DEPDC5: variants seen among roughly 807,000 people sequenced by gnomAD.
DEPDC5 encodes DEP domain containing 5, GATOR1 subcomplex subunit.
Under a neutral mutation model 217.3 loss-of-function variants are expected in DEPDC5, and 73 were observed. The observed-to-expected ratio is 0.34, with a 90% confidence interval of 0.28 to 0.41. The LOEUF is 0.41. Among genes scored for constraint, DEPDC5 ranks in the 10% least tolerant of loss-of-function variants. The pLI is 1.00. For synonymous variants in DEPDC5, 733 were observed against 756.7 expected, an observed-to-expected ratio of 0.97 and a Z score of 0.51; for missense variants, 1,675 against 2,070.1, an observed-to-expected ratio of 0.81 and a Z score of 3.70.
chr22:31,802,629 G>A (rs1459641214), intron 14 of DEPDC5, 75 bp from the exon 15 acceptor site: 5 of 1,431,608 alleles, frequency 3.5e-6, no homozygotes, highest in Middle Eastern at 1.9e-4. Context: ...CTCTGAGAGT[G>A]TAGAGATGCT....
rs183598261 is a variant in DEPDC5, at chr22:31,881,461, C to G, written c.4033+1709C>G. Among the ~76,000 whole-genome samples, 739 of 152,146 alleles carry G rather than the reference C, an allele frequency of 4.9e-3. 8 individuals carry two copies. The highest frequency in any genetic ancestry group is 0.017 in the African/African-American group (699 of 41,484). ...TTAGGCAGTCATGACTTGCTCTTCT[C>G]CCTTCATTGCATTTCTAACTGTCTA... On this transcript the variant is annotated intron_variant, in intron 38 of 42. Transcript: ENST00000651528.
chr22:31,860,702 T>A (rs1311088874), intron 32 of DEPDC5, among the ~76,000 whole-genome samples: 1 of 152,168 alleles, frequency 6.6e-6, no homozygotes, highest in Non-Finnish European at 1.5e-5. Flanking sequence ...GATGATTTTG[T>A]TACACAACCA....
At chr22:31,833,864 T>G (rs750134068) in intron 24 of DEPDC5, 51 bp from the exon 25 acceptor site, 69 of 1,446,862 alleles carry the variant, frequency 4.8e-5, no homozygotes, top group Non-Finnish European at 6.4e-5. Context: ...TGGTCAGAAC[T>G]CTTTTGCAGA....
intron 30 of DEPDC5, among the ~76,000 whole-genome samples, chr22:31,846,066 C>G (rs984401334): frequency 6.6e-6 from 1 of 151,958 alleles, no homozygotes; most frequent in African/African-American, 2.4e-5. Flanking sequence ...TTTCAAATTC[C>G]TGGACTAAAG....
intron 5 of DEPDC5, 28 bp downstream of exon 5, chr22:31,765,088 C>T: frequency 6.4e-7 from 1 of 1,567,458 alleles, no homozygotes; most frequent in Non-Finnish European, 8.8e-7. Flanking sequence ...ACTTGAATAT[C>T]TTTTTGGAAT....
At chr22:31,788,809 C>A (rs1344533764) in intron 10 of DEPDC5, among the ~76,000 whole-genome samples, 1 of 147,926 alleles carries the variant, frequency 6.8e-6, no homozygotes, top group Non-Finnish European at 1.5e-5. Context: ...CTTCTGACCT[C>A]AGGTGATCCG....
intron 38 of DEPDC5, among the ~76,000 whole-genome samples, chr22:31,889,108 G>T (rs1002252664): frequency 2.0e-5 from 3 of 152,134 alleles, no homozygotes; most frequent in African/African-American, 7.2e-5. Flanking sequence ...CCCTTCCCCA[G>T]GTTACTGATA....
At chr22:31,818,162 T>C (rs1235202079) in intron 21 of DEPDC5, among the ~76,000 whole-genome samples, 1 of 152,178 alleles carries the variant, frequency 6.6e-6, no homozygotes, top group African/African-American at 2.4e-5. Context: ...TGTCTCTGTC[T>C]CCATAATGGG....
At chr22:31,888,946 G>C (rs2093377104) in intron 38 of DEPDC5, among the ~76,000 whole-genome samples, 1 of 152,182 alleles carries the variant, frequency 6.6e-6, no homozygotes, top group African/African-American at 2.4e-5. Context: ...CAGCACTCCT[G>C]ATAAGTGGGG....
intron 8 of DEPDC5, among the ~76,000 whole-genome samples, chr22:31,779,243 T>A (rs2084180853): frequency 6.6e-6 from 1 of 152,204 alleles, no homozygotes; most frequent in African/African-American, 2.4e-5. Context: ...TTTTTGTAAT[T>A]TCCTATTGTT....
intron 38 of DEPDC5, among the ~76,000 whole-genome samples, chr22:31,892,989 C>T (rs1161316761): frequency 6.6e-6 from 1 of 151,634 alleles, no homozygotes; most frequent in Non-Finnish European, 1.5e-5. Flanking sequence ...GATTCTCCTG[C>T]CTCAGCCTCC....
intron 19 of DEPDC5, 55 bp from the exon 20 acceptor site, chr22:31,810,466 C>T: frequency 3.1e-6 from 5 of 1,608,364 alleles, no homozygotes; most frequent in Non-Finnish European, 4.2e-6. Context: ...TTTCAGCTCT[C>T]AGGCATGTGT....
intron 27 of DEPDC5, among the ~76,000 whole-genome samples, chr22:31,842,859 G>C (rs1387609770): frequency 6.6e-6 from 1 of 152,184 alleles, no homozygotes; most frequent in African/African-American, 2.4e-5. Context: ...CCATCTAGGT[G>C]CTATCAGCTA....
intron 31 of DEPDC5, among the ~76,000 whole-genome samples, chr22:31,856,203 GAC>G (rs796449578): frequency 2.1e-4 from 28 of 133,744 alleles, no homozygotes; most frequent in South Asian, 1.4e-3. Flanking sequence ...CATTGCCTAT[GAC>G]ACACACACAC....
chr22:31,812,725 A>G (rs1223825046), intron 20 of DEPDC5, among the ~76,000 whole-genome samples: 1 of 136,196 alleles, frequency 7.3e-6, no homozygotes, highest in Non-Finnish European at 1.6e-5. Flanking sequence ...CGCCCGGCCA[A>G]TTTTCCAGAT....
At chr22:31,820,155 A>G (rs1264056465) in intron 22 of DEPDC5, among the ~76,000 whole-genome samples, 1 of 152,088 alleles carries the variant, frequency 6.6e-6, no homozygotes, top group Non-Finnish European at 1.5e-5. Context: ...TCTGTTACGT[A>G]GGCTGGAGTA....
At position 31,792,605 on chromosome 22, in the gene DEPDC5, C is replaced by CA. The variant is rs61603320; in HGVS notation, c.695-113dup. 0.054 allele frequency: 8,215 copies of CA among 153,350 alleles called. 333 individuals carry two copies. Among genetic ancestry groups the CA allele is most frequent in the South Asian group, 0.063 (1,437 of 22,670 alleles). The allele number at this position is 153,350 out of a possible 1,614,324, so 9.5% of individuals were successfully genotyped here. On this transcript the variant is annotated intron_variant, in intron 11 of 42. Coordinates refer to ENST00000651528, the MANE Select transcript of DEPDC5 (RefSeq NM_001242896.3). The stretch of plus-strand genomic sequence containing the variant: ...TGGGTGACAGAGTGAGACCTTGTCT[C>CA]AAAAAAAAAAAAAAAAAAAAAAAAA...
At chr22:31,842,575 C>CA (rs56671305) in intron 27 of DEPDC5, among the ~76,000 whole-genome samples, 21,163 of 73,022 alleles carry the variant, frequency 0.29, 2,209 homozygotes, top group South Asian at 0.37. Context: ...AACTCCATCT[C>CA]AAAAAAAAAA....
At chr22:31,855,423 C>G (rs1484333983) in intron 31 of DEPDC5, among the ~76,000 whole-genome samples, 2 of 149,936 alleles carry the variant, frequency 1.3e-5, no homozygotes, top group Admixed American at 6.7e-5. Context: ...GTCGCCCAGG[C>G]TGGAGTGCAG....
Sources: allele counts gnomAD v4.1 joint callset (sites outside exome capture counted in the v4.1 genomes callset), GRCh38; gene constraint gnomAD v4.1.1; transcripts MANE v1.5; gene names NCBI Gene and HGNC (gene_info 2026-07-23, HGNC 2026-07-21).